HUWE1: variants seen among roughly 807,000 people sequenced by gnomAD.
HUWE1 encodes E3 ubiquitin-protein ligase HUWE1.
HUWE1 carries 18 observed loss-of-function variants against 299.4 expected under a neutral mutation model. The observed-to-expected ratio is 0.06, with a 90% CI of 0.04 to 0.09. The LOEUF (loss-of-function observed/expected upper bound fraction) is 0.09, where lower values mean the gene tolerates loss of function less well. Among genes scored for constraint, HUWE1 ranks in the 10% least tolerant of loss-of-function variants. The pLI, the probability that HUWE1 is intolerant of heterozygous loss-of-function variation, is 1.00. For missense variants in HUWE1, 1,832 were observed against 3,462.3 expected (o/e 0.53, Z 11.82); for synonymous variants, 1,317 against 1,286.1 (o/e 1.02, Z -0.51).
intron 6 of HUWE1, among the ~76,000 whole-genome samples, chrX:53,645,736 A>AAT (rs1175668846): frequency 1.9e-4 from 5 of 26,129 alleles, no homozygotes; most frequent in African/African-American, 7.5e-4. Context: ...AAAAAAAAAA[A>AAT]ATATATATAT....
chrX:53,588,225 G>A (rs1466346699), intron 37 of HUWE1, among the ~76,000 whole-genome samples, 157 bp downstream of exon 37: 1 of 111,708 alleles, frequency 9.0e-6, no homozygotes, highest in Non-Finnish European at 1.9e-5. Flanking sequence ...TATTTTATAC[G>A]TAATTATATG....
At chrX:53,641,890 T>G (rs2067613050) in intron 7 of HUWE1, among the ~76,000 whole-genome samples, 1 of 111,354 alleles carries the variant, frequency 9.0e-6, no homozygotes, top group Admixed American at 9.6e-5. Flanking sequence ...GGTTTAGTGT[T>G]GGTCTAACAG....
intron 31 of HUWE1, 38 bp from the exon 32 acceptor site, chrX:53,593,639 A>G (rs1556981620): frequency 9.3e-7 from 1 of 1,071,483 alleles, no homozygotes; most frequent in South Asian, 1.9e-5. Flanking sequence ...GAATATTAGT[A>G]TTTTACCCTG....
rs374447841 is a variant in HUWE1 at position 53,603,532 on chromosome X, G to T, written c.2743-31C>A. 14 of 1,192,195 alleles carry T rather than the reference G, an allele frequency of 1.2e-5. No homozygotes were observed. The African/African-American group carries it at 2.5e-4, about 21-fold the overall frequency. On this transcript the variant is annotated intron_variant, in intron 26 of 83. Transcript: ENST00000262854. ...ATCATAACAAGAATTTCACCTTTGG[G>T]ATGTTCTCTGAACAATTATACTTAA...
chrX:53,670,154 G>A (rs1557048855), intron 3 of HUWE1, among the ~76,000 whole-genome samples: 1 of 111,416 alleles, frequency 9.0e-6, no homozygotes, highest in East Asian at 2.8e-4. Context: ...TAGTAACTAC[G>A]GTTAAAAGGG....
chrX:53,582,872 G>T (rs1034608335), intron 42 of HUWE1, among the ~76,000 whole-genome samples: 1 of 111,127 alleles, frequency 9.0e-6, no homozygotes, highest in Non-Finnish European at 1.9e-5. Flanking sequence ...GGGATTACAG[G>T]TGCATGCCAC....
Position 53,562,878 on chromosome X carries a change from G to A in HUWE1, c.7157C>T (p.Ala2386Val). The change falls in exon 53 of 84, where the codon GCT (alanine) becomes GTT (valine). Residue 2386 changes from alanine to valine, a missense_variant. Around this residue, in one of 15 missense-constraint regions of HUWE1, gnomAD observed 170 missense variants for 335.8 expected, o/e 0.51. Transcript: ENST00000262854. ...GGAAGCTTGGCTGAGGTTGGAAGGA[G>A]CTTCATCCATCAGCACGTCCTCTTG... ...ESQEDVLMDE[A>V]PSNLSQASTL... The A allele has an allele frequency of 8.3e-7, 1 of 1,211,380 alleles. No individual in the cohort carries two copies. The highest frequency in any genetic ancestry group is 1.1e-6 in the Non-Finnish European group (1 of 895,250).
chrX:53,617,279 C>G, intron 20 of HUWE1, 61 bp downstream of exon 20: 1 of 984,342 alleles, frequency 1.0e-6, no homozygotes. Context: ...ACACTACACA[C>G]AGAAGAGATA....
chrX:53,554,427 A>G (rs2061907693), intron 61 of HUWE1, among the ~76,000 whole-genome samples: 1 of 111,194 alleles, frequency 9.0e-6, no homozygotes, highest in African/African-American at 3.3e-5. Context: ...AACTGTTGGT[A>G]TCATCACCAA....
intron 25 of HUWE1, among the ~76,000 whole-genome samples, chrX:53,605,836 A>G (rs2065119805): frequency 8.9e-6 from 1 of 112,096 alleles, no homozygotes; most frequent in Non-Finnish European, 1.9e-5. Flanking sequence ...CCAATGGAAT[A>G]GAATAGAGAG....
At chrX:53,619,128 A>ACAG (rs1463276712) in intron 19 of HUWE1, among the ~76,000 whole-genome samples, 1 of 111,772 alleles carries the variant, frequency 8.9e-6, no homozygotes, top group Non-Finnish European at 1.9e-5. Flanking sequence ...GATGGTGAAT[A>ACAG]CAGCATCTCT....
intron 77 of HUWE1, 136 bp from the exon 78 acceptor site, chrX:53,537,832 G>A: frequency 1.5e-6 from 1 of 663,803 alleles, no homozygotes; most frequent in South Asian, 2.8e-5. Flanking sequence ...ACCTGTTTGG[G>A]AAATGCCCAG....
intron 19 of HUWE1, among the ~76,000 whole-genome samples, chrX:53,621,604 T>C (rs782559075): frequency 1.1e-4 from 12 of 108,697 alleles, no homozygotes; most frequent in African/African-American, 1.7e-4. Context: ...TCATCATAAC[T>C]CCACTGCCCC....
intron 33 of HUWE1, 25 bp downstream of exon 33, chrX:53,592,373 C>CAA: frequency 8.9e-7 from 1 of 1,123,144 alleles, no homozygotes; most frequent in Non-Finnish European, 1.2e-6. Flanking sequence ...AGTCTGGACC[C>CAA]TGGAGTGTGA....
At chrX:53,565,588 G>C (rs1302504284) in intron 49 of HUWE1, among the ~76,000 whole-genome samples, 1 of 109,413 alleles carries the variant, frequency 9.1e-6, no homozygotes, top group African/African-American at 3.3e-5. Flanking sequence ...CCAGCATTTA[G>C]TCCCCAAACC....
chrX:53,584,134 C>T, intron 41 of HUWE1, 52 bp downstream of exon 41: 1 of 1,133,378 alleles, frequency 8.8e-7, no homozygotes, highest in Admixed American at 2.2e-5. Flanking sequence ...ATTGGCCAGA[C>T]CTTAAGCCAC....
At chrX:53,654,948 T>G (rs1330019701) in intron 3 of HUWE1, among the ~76,000 whole-genome samples, 2 of 111,238 alleles carry the variant, frequency 1.8e-5, no homozygotes, top group East Asian at 5.6e-4. Flanking sequence ...GAAAATGAAG[T>G]ATAAGGATCA....
intron 6 of HUWE1, among the ~76,000 whole-genome samples, chrX:53,646,319 C>T (rs1040013311): frequency 1.3e-4 from 14 of 110,097 alleles, no homozygotes; most frequent in Non-Finnish European, 2.3e-4. Flanking sequence ...CACCACGCCC[C>T]GCTAATTTTT....
chrX:53,572,400 T>C (rs1442741032), intron 47 of HUWE1, among the ~76,000 whole-genome samples: 1 of 111,893 alleles, frequency 8.9e-6, no homozygotes, highest in Non-Finnish European at 1.9e-5. Flanking sequence ...TTAAGATTTG[T>C]GTATTTTTCT....
Sources: allele counts gnomAD v4.1 joint callset (sites outside exome capture counted in the v4.1 genomes callset), GRCh38; gene constraint gnomAD v4.1.1; regional missense constraint gnomAD v4.1.1; transcripts MANE v1.5; gene names NCBI Gene and HGNC (gene_info 2026-07-23, HGNC 2026-07-21).